Variants in RYR2 observed in about 807,000 individuals in gnomAD.
The protein encoded by RYR2 is ryanodine receptor 2.
RYR2 carries 227 observed loss-of-function variants against 601.1 expected under a neutral mutation model. The ratio of observed to expected loss-of-function variants is 0.38; its 90% CI spans 0.34 to 0.42. RYR2 has a LOEUF of 0.42. Among genes scored for constraint, RYR2 ranks in the 10% least tolerant of loss-of-function variants. The pLI is 1.00. For missense variants in RYR2, 4,646 were observed against 6,156.5 expected (o/e 0.75, Z 8.21); for synonymous variants, 2,223 against 2,175.1 (o/e 1.02, Z -0.61).
chr1:237,583,910 C>T (rs907189859), intron 29 of RYR2, among the ~76,000 whole-genome samples: 1 of 152,122 alleles, frequency 6.6e-6, no homozygotes, highest in African/African-American at 2.4e-5. Flanking sequence ...TTGCTGAAGC[C>T]ATCTGTCTTT....
chr1:237,705,192 A>T lies in RYR2; in HGVS notation c.9450-21A>T, dbSNP rs751342156. 9 of 1,600,926 alleles carry T rather than the reference A, an allele frequency of 5.6e-6. No homozygotes were observed. The Admixed American group carries it at 1.4e-4, about 24-fold the overall frequency. ...TTACTCACTTGGAAGACCTTAAAAC[A>T]TAAGCATTTTCCACTTATAGGCAAC... On this transcript the variant is annotated intron_variant, in intron 66 of 104. Coordinates refer to ENST00000366574, the MANE Select transcript of RYR2 (RefSeq NM_001035.3).
chr1:237,256,131 C>G (rs1312138619), intron 1 of RYR2, among the ~76,000 whole-genome samples: 1 of 152,040 alleles, frequency 6.6e-6, no homozygotes, highest in Non-Finnish European at 1.5e-5. Context: ...TTCCCCCATA[C>G]TGTTATGGTG....
In RYR2 at chr1:237,788,077, C is replaced by A; in HGVS notation, c.13418C>A (p.Pro4473Gln). ...RQLHTHRYGE[P>Q]EVPESAFWKK... ...CTTCACACACACAGATACGGAGAAC[C>A]AGAAGTGCCAGAGTCAGCATTCTGG... Residue 4473 changes from proline (P) to glutamine (Q), a missense_variant, in exon 92 of 105, where the codon CCA becomes CAA. Physicochemically the swap from Pro to Gln is moderately conservative, Grantham distance 76. Around this residue, in one of 17 missense-constraint regions of RYR2, gnomAD observed 364 missense variants for 442.9 expected, o/e 0.82. Transcript: ENST00000366574. The A allele has an allele frequency of 8.1e-6, 13 of 1,612,250 alleles. No individual in the cohort carries two copies. Among genetic ancestry groups the A allele is most frequent in the Non-Finnish European group, 1.1e-5 (13 of 1,179,014 alleles).
At chr1:237,790,700 C>T (rs1416267895) in intron 92 of RYR2, among the ~76,000 whole-genome samples, 4 of 152,078 alleles carry the variant, frequency 2.6e-5, no homozygotes, top group African/African-American at 2.4e-5. Context: ...ATTCCCACTT[C>T]GCATGCAGAT....
rs386370106 is a variant in RYR2 at position 237,262,245 on chromosome 1, G to GTTTTTTTTTTTTTTTT, written c.49-8240_49-8225dup. Among the ~76,000 whole-genome samples, 80 of 61,100 alleles carry GTTTTTTTTTTTTTTTT rather than the reference G, an allele frequency of 1.3e-3. 12 individuals carry two copies. In the East Asian group the frequency reaches 0.024, roughly 18 times the overall value. 40.1% of individuals were successfully genotyped at this position (61,100 alleles called of 152,430 possible). A position where few individuals can be genotyped will look rare whatever the true frequency, so the allele number is the denominator to read the frequency against. On this transcript the variant is annotated intron_variant, in intron 1 of 104. Transcript: ENST00000366574. ...AAATATTAGATCTCTGTTCTAAAGA[G>GTTTTTTTTTTTTTTTT]TTTTTTTTTTTTTTTTTTTTTTTTT...
chr1:237,439,231 G>A (rs529506338), intron 12 of RYR2, among the ~76,000 whole-genome samples: 1 of 152,296 alleles, frequency 6.6e-6, no homozygotes, highest in Admixed American at 6.5e-5. Flanking sequence ...AAAATGACAG[G>A]AGATAAAGAA....
At chr1:237,566,500 A>G in intron 27 of RYR2, 67 bp from the exon 28 acceptor site, 1 of 1,445,654 alleles carries the variant, frequency 6.9e-7, no homozygotes, top group South Asian at 1.2e-5. Flanking sequence ...TCTTTTATTT[A>G]TGATATCTTT....
intron 3 of RYR2, among the ~76,000 whole-genome samples, chr1:237,350,571 CAAAAAAAAAAAAAAA>C (rs1167546068): frequency 1.1e-3 from 29 of 26,960 alleles, no homozygotes; most frequent in East Asian, 2.1e-3. Flanking sequence ...GACTCTGTCT[CAAAAAAAAAAAAAAA>C]AAAAAAAAAA....
chr1:237,354,546 T>G (rs1046252707), intron 3 of RYR2, among the ~76,000 whole-genome samples: 13 of 152,164 alleles, frequency 8.5e-5, no homozygotes, highest in Admixed American at 1.3e-4. Flanking sequence ...TAGATTTTTT[T>G]GGGGAAGAGA....
In RYR2 at chr1:237,666,557, A is replaced by C. The variant is rs948094250; in HGVS notation, c.8482A>C (p.Met2828Leu). ...TGGTTACAGTCCCCGGGCCATTGAC[A>C]TGAGCAATGTTACACTATCTAGAGA... The part of the protein sequence containing the change: ...AHGYSPRAID[M>L]SNVTLSRDLH... The change falls in exon 57 of 105, where the codon ATG (methionine) becomes CTG (leucine). Residue 2828 changes from methionine to leucine, a missense_variant. Coordinates refer to ENST00000366574, the MANE Select transcript of RYR2 (RefSeq NM_001035.3). 3.1e-6 allele frequency: 5 copies of C among 1,612,786 alleles called. No homozygotes were observed. The highest frequency in any genetic ancestry group is 1.3e-5 in the African/African-American group (1 of 74,918).
Position 237,648,610 on chromosome 1 carries a change from T to A in RYR2, c.7509T>A (p.Asp2503Glu). 7 of 1,608,088 alleles carry A rather than the reference T, an allele frequency of 4.4e-6. No homozygotes were observed. Among genetic ancestry groups the A allele is most frequent in the Non-Finnish European group, 5.9e-6 (7 of 1,176,788 alleles). Residue 2503 changes from aspartate (D) to glutamate (E), a missense_variant, in exon 49 of 105, where the codon GAT becomes GAA. This residue lies in a region of RYR2 where 1,497 missense variants were observed against 1,842.6 expected (regional missense o/e 0.81). Transcript: ENST00000366574. ...ATCTCCGGGCGGCTGCTTCTTTAGATACGGTGAGATTGGAGCGATGGACTT... is the reference window on the plus strand; with the variant it reads ...ATCTCCGGGCGGCTGCTTCTTTAGAAACGGTGAGATTGGAGCGATGGACTT... ...LPDLRAAASL[D>E]TAALSATDMA... is the part of the protein sequence containing the mutation.
intron 1 of RYR2, among the ~76,000 whole-genome samples, chr1:237,072,354 T>A (rs1664465564): frequency 4.6e-5 from 7 of 152,192 alleles, no homozygotes; most frequent in Admixed American, 4.6e-4. Flanking sequence ...CAAACTCCAC[T>A]TTCCACTGAT....
intron 11 of RYR2, among the ~76,000 whole-genome samples, chr1:237,422,859 T>G (rs1705735425): frequency 6.6e-6 from 1 of 152,226 alleles, no homozygotes; most frequent in African/African-American, 2.4e-5. Flanking sequence ...TCAGAACACC[T>G]TGAGTTACAT....
chr1:237,186,807 C>T (rs1679392362), intron 1 of RYR2, among the ~76,000 whole-genome samples: 1 of 152,228 alleles, frequency 6.6e-6, no homozygotes, highest in South Asian at 2.1e-4. Flanking sequence ...TGTGGCATAG[C>T]TGAAGCCTGC....
chr1:237,174,952 T>G (rs929971047), intron 1 of RYR2, among the ~76,000 whole-genome samples: 1 of 152,336 alleles, frequency 6.6e-6, no homozygotes, highest in Middle Eastern at 3.4e-3. Context: ...GTTTTCTATT[T>G]GCAGTGTTTT....
intron 87 of RYR2, among the ~76,000 whole-genome samples, chr1:237,775,484 A>G (rs918735545): frequency 1.3e-5 from 2 of 152,204 alleles, no homozygotes; most frequent in African/African-American, 4.8e-5. Flanking sequence ...TATTGATACT[A>G]TGAAGATAAG....
chr1:237,452,521 A>C (rs989391905), intron 14 of RYR2, among the ~76,000 whole-genome samples: 12 of 126,840 alleles, frequency 9.5e-5, no homozygotes, highest in Non-Finnish European at 6.8e-5. Context: ...TATAATATAT[A>C]ATAAATATAT....
In RYR2 at chr1:237,110,440, G is replaced by A. The variant is rs578228090; in HGVS notation, c.48+67871G>A. ...CTCCCCCCATCCCACAACAGTCCCC[G>A]AAGTGTGATGTTCCCCTTCCTGTGT... On this transcript the variant is annotated intron_variant, in intron 1 of 104. Coordinates refer to ENST00000366574, the MANE Select transcript of RYR2 (RefSeq NM_001035.3). Among the ~76,000 whole-genome samples, 39 of 88,486 alleles carry A rather than the reference G, an allele frequency of 4.4e-4. No homozygotes were observed. In the South Asian group the frequency reaches 0.016, roughly 37 times the overall value. The allele number at this position is 88,486 out of a possible 152,430, so 58.1% of individuals were successfully genotyped here.
intron 1 of RYR2, among the ~76,000 whole-genome samples, chr1:237,261,779 A>G (rs2149314051): frequency 6.6e-6 from 1 of 152,178 alleles, no homozygotes; most frequent in Non-Finnish European, 1.5e-5. Flanking sequence ...TCTTTGCTCA[A>G]AAGTCACCCC....
Sources: gnomAD v4.1 joint callset for allele counts (sites outside exome capture counted in the v4.1 genomes callset) on GRCh38, gnomAD v4.1.1 for gene constraint, gnomAD v4.1.1 regional missense constraint, MANE v1.5 for transcripts, NCBI Gene and HGNC (gene_info 2026-07-23, HGNC 2026-07-21) for gene names.